The following TINAG variants were observed in gnomAD, a reference collection of about 807,000 sequenced individuals.
TINAG encodes tubulointerstitial nephritis antigen.
In TINAG, 83 loss-of-function variants were observed where a neutral mutation model predicts 72.7. That is an observed-to-expected ratio of 1.14 (90% confidence interval 0.96 to 1.37). TINAG has a LOEUF of 1.37. Among genes scored for constraint, TINAG ranks in the 40% most tolerant of loss-of-function variants. The pLI is 0.00. For synonymous variants in TINAG, 234 were observed against 189.9 expected (o/e 1.23, Z -1.91); for missense variants, 685 against 576.6 (o/e 1.19, Z -1.93).
At chr6:54,368,584 G>T (rs1330742559) in intron 9 of TINAG, among the ~76,000 whole-genome samples, 2 of 150,892 alleles carry the variant, frequency 1.3e-5, no homozygotes, top group Non-Finnish European at 3.0e-5. Context: ...ATTTATTAGG[G>T]TTTGATTCTA....
At chr6:54,311,577 T>C (rs898540028) in intron 1 of TINAG, among the ~76,000 whole-genome samples, 11 of 152,214 alleles carry the variant, frequency 7.2e-5, no homozygotes, top group African/African-American at 2.7e-4. Context: ...CAGTAAAACG[T>C]GATTTCTCAT....
intron 9 of TINAG, among the ~76,000 whole-genome samples, chr6:54,356,054 A>C (rs746934670): frequency 5.3e-5 from 8 of 151,914 alleles, no homozygotes; most frequent in Non-Finnish European, 1.2e-4. Context: ...TAGGGTTATA[A>C]AACTGAATAG....
At chr6:54,370,646 CAATT>C (rs1312874475) in intron 9 of TINAG, among the ~76,000 whole-genome samples, 1 of 151,944 alleles carries the variant, frequency 6.6e-6, no homozygotes, top group Non-Finnish European at 1.5e-5. Flanking sequence ...TTGCAGCCAT[CAATT>C]AGTCACTCAA....
intron 6 of TINAG, among the ~76,000 whole-genome samples, chr6:54,348,653 G>A (rs1485885992): frequency 6.6e-6 from 1 of 151,944 alleles, no homozygotes; most frequent in East Asian, 1.9e-4. Flanking sequence ...ATCTATTATG[G>A]CCCTAACCTC....
intron 3 of TINAG, among the ~76,000 whole-genome samples, chr6:54,321,955 C>G (rs370985355): frequency 1.3e-5 from 2 of 152,124 alleles, no homozygotes; most frequent in Non-Finnish European, 1.5e-5. Flanking sequence ...AACTGATGCT[C>G]TCATGCAGAT....
At chr6:54,331,426 C>T (rs1185639832) in intron 4 of TINAG, among the ~76,000 whole-genome samples, 1 of 152,120 alleles carries the variant, frequency 6.6e-6, no homozygotes, top group Non-Finnish European at 1.5e-5. Context: ...GCTAAAAACA[C>T]TCAATAAACT....
At chr6:54,381,308 C>T (rs190713352) in intron 10 of TINAG, among the ~76,000 whole-genome samples, 2 of 151,376 alleles carry the variant, frequency 1.3e-5, no homozygotes, top group Non-Finnish European at 2.9e-5. Context: ...CTCAAATATT[C>T]GGTTTATTAC....
At chr6:54,347,562 T>C (rs777664144) in intron 6 of TINAG, 45 bp downstream of exon 6, 17 of 1,601,094 alleles carry the variant, frequency 1.1e-5, no homozygotes, top group African/African-American at 1.3e-5. Flanking sequence ...TTATGAATGA[T>C]GCATTGTGTT....
At chr6:54,356,395 G>A (rs969777440) in intron 9 of TINAG, among the ~76,000 whole-genome samples, 2 of 151,654 alleles carry the variant, frequency 1.3e-5, no homozygotes, top group African/African-American at 4.8e-5. Flanking sequence ...AAATTAGCTG[G>A]GCATGGTTGC....
rs559016046 is a variant in TINAG at position 54,378,983 on chromosome 6, G to A, written c.1251-1543G>A. Among the ~76,000 whole-genome samples, 6 of 152,106 alleles carry A rather than the reference G, an allele frequency of 3.9e-5. No homozygotes were observed. In the East Asian group the frequency reaches 9.7e-4, roughly 24 times the overall value. On this transcript the variant is annotated intron_variant, in intron 9 of 10. Transcript: ENST00000259782. The stretch of plus-strand genomic sequence containing the variant: ...CTTGTCATCTTTAGGCAATACCTCC[G>A]TGCTGTGGTGCCATCATTCTATTCT...
intron 1 of TINAG, among the ~76,000 whole-genome samples, chr6:54,309,440 T>C (rs1381563878): frequency 2.0e-5 from 3 of 152,304 alleles, no homozygotes; most frequent in Admixed American, 1.3e-4. Flanking sequence ...TAATACCAAA[T>C]GTATTCTTCA....
chr6:54,338,449 G>A (rs1784918926), intron 4 of TINAG, among the ~76,000 whole-genome samples: 1 of 151,754 alleles, frequency 6.6e-6, no homozygotes, highest in Non-Finnish European at 1.5e-5. Context: ...TGGCCGGGAG[G>A]TGTGGCTCAC....
chr6:54,379,435 T>C (rs967397041), intron 9 of TINAG, among the ~76,000 whole-genome samples: 1 of 152,190 alleles, frequency 6.6e-6, no homozygotes, highest in African/African-American at 2.4e-5. Flanking sequence ...TTATGAGCTG[T>C]CATGTGCTAC....
chr6:54,316,874 C>T (rs1025652761), intron 1 of TINAG, among the ~76,000 whole-genome samples: 6 of 152,176 alleles, frequency 3.9e-5, no homozygotes, highest in African/African-American at 1.2e-4. Flanking sequence ...TTTCTCAATT[C>T]GAGAAGATAA....
chr6:54,314,005 C>T (rs551591952), intron 1 of TINAG, among the ~76,000 whole-genome samples: 345 of 152,158 alleles, frequency 2.3e-3, no homozygotes, highest in African/African-American at 7.5e-3. Flanking sequence ...TCCCAGGCCT[C>T]GAGAAACTTA....
At chr6:54,380,208 T>C (rs1046223440) in intron 9 of TINAG, among the ~76,000 whole-genome samples, 5 of 152,114 alleles carry the variant, frequency 3.3e-5, no homozygotes, top group Non-Finnish European at 7.4e-5. Flanking sequence ...TTGAAGTCTT[T>C]GAGGATAAGT....
chr6:54,347,448 G>T lies in TINAG; in HGVS notation c.830G>T (p.Cys277Phe). ...TCCCCTCAGAATTTGATCTCTTGCT[G>T]TGCCAAGAACCGTCATGGATGCAAT... ...NLSPQNLISC[C>F]AKNRHGCNSG... The change falls in exon 6 of 11, where the codon TGT becomes TTT. Residue 277 changes from cysteine (C) to phenylalanine (F), a missense_variant. Transcript: ENST00000259782. 1.2e-6 allele frequency: 2 copies of T among 1,613,300 alleles called. No individual in the cohort carries two copies.
At chr6:54,313,127 T>A (rs1251142027) in intron 1 of TINAG, among the ~76,000 whole-genome samples, 1 of 152,168 alleles carries the variant, frequency 6.6e-6, no homozygotes, top group African/African-American at 2.4e-5. Context: ...AAATACATGT[T>A]TAATAGAAAA....
chr6:54,359,949 C>G (rs181909965), intron 9 of TINAG, among the ~76,000 whole-genome samples: 1 of 151,684 alleles, frequency 6.6e-6, no homozygotes, highest in South Asian at 2.1e-4. Flanking sequence ...TAATGTAACA[C>G]GACAAATTCT....
Sources: allele counts gnomAD v4.1 joint callset (sites outside exome capture counted in the v4.1 genomes callset), GRCh38; gene constraint gnomAD v4.1.1; transcripts MANE v1.5; gene names NCBI Gene and HGNC (gene_info 2026-07-23, HGNC 2026-07-21).